The following LINGO2 variants were observed in gnomAD, a reference collection of about 807,000 sequenced individuals.
LINGO2 encodes leucine-rich repeat and immunoglobulin-like domain-containing nogo receptor-interacting protein 2.
A neutral mutation model predicts 30.6 loss-of-function variants in LINGO2; 14 were observed. The observed-to-expected ratio is 0.46, with a 90% CI of 0.30 to 0.72. The LOEUF (loss-of-function observed/expected upper bound fraction) is 0.72, where lower values mean the gene tolerates loss of function less well. Ranked by LOEUF, LINGO2 falls within the 30% of genes least tolerant of loss-of-function variation. The pLI, the probability that LINGO2 is intolerant of heterozygous loss-of-function variation, is 0.07. For synonymous variants in LINGO2, 317 were observed against 288.5 expected, an observed-to-expected ratio of 1.10 and a Z score of -1.00; for missense variants, 729 against 751.7, an observed-to-expected ratio of 0.97 and a Z score of 0.35.
At chr9:28,868,586 T>A in the LINGO2 span, among the ~76,000 whole-genome samples, 1 of 152,106 alleles carries the variant, frequency 6.6e-6, no homozygotes, top group South Asian at 2.1e-4. Context: ...GTAAATTTAA[T>A]TGTTTAGTTA....
chr9:28,144,500 TA>T (rs1587075589), intron 4 of LINGO2, among the ~76,000 whole-genome samples: 1 of 152,238 alleles, frequency 6.6e-6, no homozygotes, highest in Admixed American at 6.5e-5. Context: ...ACAACATTCA[TA>T]ATGCCATCCA....
chr9:28,976,885 A>G, the LINGO2 span, among the ~76,000 whole-genome samples: 1 of 152,148 alleles, frequency 6.6e-6, no homozygotes, highest in South Asian at 2.1e-4. Flanking sequence ...ATATAAAAAT[A>G]TCTGGTAGAC....
At chr9:28,257,231 G>A (rs961589906) in intron 4 of LINGO2, among the ~76,000 whole-genome samples, 7 of 151,750 alleles carry the variant, frequency 4.6e-5, no homozygotes, top group Admixed American at 1.3e-4. Flanking sequence ...AGCATAAAGC[G>A]TCTCTTAGAC....
At chr9:29,004,371 T>C in the LINGO2 span, among the ~76,000 whole-genome samples, 1 of 151,978 alleles carries the variant, frequency 6.6e-6, no homozygotes, top group African/African-American at 2.4e-5. Context: ...TAAAACTACA[T>C]TAATTCTTCC....
intron 4 of LINGO2, among the ~76,000 whole-genome samples, chr9:28,050,875 AAG>A (rs1824640923): frequency 6.6e-6 from 1 of 151,216 alleles, no homozygotes. Context: ...TATAAGTTGA[AAG>A]AGTAATAAAT....
rs554749808 is a variant in LINGO2 at position 28,029,034 on chromosome 9, C to T, written c.-86-16629G>A. Among the ~76,000 whole-genome samples the T allele has an allele frequency of 8.3e-4, 126 of 152,152 alleles. 1 individual carries two copies. In the South Asian group the frequency reaches 0.023, roughly 28 times the overall value. On this transcript the variant is annotated intron_variant, in intron 4 of 5. Coordinates refer to ENST00000379992, the Ensembl canonical transcript of LINGO2. ...CAGGAACTTTCAAAAATAGGATAGG[C>T]GGGGCTAGATGAGAGTGAGTATATA...
chr9:29,100,298 G>A, the LINGO2 span, among the ~76,000 whole-genome samples: 2 of 152,086 alleles, frequency 1.3e-5, no homozygotes, highest in Non-Finnish European at 2.9e-5. Flanking sequence ...TAGGGGGATG[G>A]TTAATAGCTA....
intron 4 of LINGO2, among the ~76,000 whole-genome samples, chr9:28,190,929 T>G (rs1228787802): frequency 6.6e-6 from 1 of 152,212 alleles, no homozygotes; most frequent in Non-Finnish European, 1.5e-5. Flanking sequence ...CAGCTCTCTT[T>G]TTGTTTTACA....
chr9:28,749,299 A>G, the LINGO2 span, among the ~76,000 whole-genome samples: 1 of 152,138 alleles, frequency 6.6e-6, no homozygotes, highest in Non-Finnish European at 1.5e-5. Context: ...TTTACATTGT[A>G]TCTTATGAAA....
At chr9:28,955,903 G>C in the LINGO2 span, among the ~76,000 whole-genome samples, 4 of 151,984 alleles carry the variant, frequency 2.6e-5, no homozygotes, top group Non-Finnish European at 4.4e-5. Context: ...TTGGCACTGG[G>C]ATTACAGGCA....
chr9:28,620,984 G>A (rs975423738), intron 1 of LINGO2, among the ~76,000 whole-genome samples: 6 of 151,898 alleles, frequency 4.0e-5, no homozygotes, highest in African/African-American at 1.5e-4. Context: ...TAAAATCAAA[G>A]TTATAAAAAC....
chr9:28,251,057 G>GA (rs149731600), intron 4 of LINGO2, among the ~76,000 whole-genome samples: 4 of 149,956 alleles, frequency 2.7e-5, no homozygotes, highest in Admixed American at 6.6e-5. Flanking sequence ...ATTTTAAAAA[G>GA]AAAAAAAAAA....
chr9:28,653,172 A>T (rs1828185981), intron 1 of LINGO2, among the ~76,000 whole-genome samples: 1 of 152,170 alleles, frequency 6.6e-6, no homozygotes, highest in Admixed American at 6.6e-5. Context: ...AATAAAACAG[A>T]AGTTGATTTC....
the LINGO2 span, among the ~76,000 whole-genome samples, chr9:28,974,966 G>A: frequency 6.6e-6 from 1 of 152,096 alleles, no homozygotes; most frequent in East Asian, 1.9e-4. Context: ...TGCTGTAAAT[G>A]ACTTGGTAAC....
At chr9:28,750,796 T>A in the LINGO2 span, among the ~76,000 whole-genome samples, 1 of 152,080 alleles carries the variant, frequency 6.6e-6, no homozygotes, top group Non-Finnish European at 1.5e-5. Context: ...ATAGTAATAG[T>A]ATTTGGCACA....
At chr9:28,944,838 C>T in the LINGO2 span, among the ~76,000 whole-genome samples, 2 of 152,156 alleles carry the variant, frequency 1.3e-5, no homozygotes, top group Middle Eastern at 3.4e-3. Context: ...TGGTAAAAAA[C>T]AAGAATGTTT....
chr9:29,051,782 TGCATTC>T, the LINGO2 span, among the ~76,000 whole-genome samples: 1 of 152,144 alleles, frequency 6.6e-6, no homozygotes, highest in South Asian at 2.1e-4. Context: ...TCAGGAAGCT[TGCATTC>T]AAATTCTGGC....
intron 1 of LINGO2, among the ~76,000 whole-genome samples, chr9:28,579,061 C>CTTTTTTTTTT (rs34468047): frequency 1.3e-5 from 2 of 150,048 alleles, no homozygotes; most frequent in Non-Finnish European, 1.5e-5. Flanking sequence ...CATAAGAGCT[C>CTTTTTTTTTT]TTTTTTTTTT....
chr9:28,730,904 A>G, the LINGO2 span, among the ~76,000 whole-genome samples: 2 of 152,186 alleles, frequency 1.3e-5, no homozygotes, highest in African/African-American at 4.8e-5. Flanking sequence ...GGAATGTAAA[A>G]TGGTACAACA....
Sources: gnomAD v4.1 joint callset for allele counts (sites outside exome capture counted in the v4.1 genomes callset) on GRCh38, gnomAD v4.1.1 for gene constraint, MANE v1.5 for transcripts, NCBI Gene and HGNC (gene_info 2026-07-23, HGNC 2026-07-21) for gene names.